The following GCN1 variants were observed in gnomAD, a reference collection of about 807,000 sequenced individuals.
The protein encoded by GCN1 is GCN1 activator of EIF2AK4.
GCN1 carries 90 observed loss-of-function variants against 288.4 expected under a neutral mutation model. The ratio of observed to expected loss-of-function variants is 0.31; its 90% CI spans 0.26 to 0.37. The LOEUF is 0.37. GCN1 is among the 10% of genes least tolerant of loss of function. The pLI, the probability that GCN1 is intolerant of heterozygous loss-of-function variation, is 1.00. For missense variants in GCN1, 2,586 were observed against 3,419.9 expected (o/e 0.76, Z 6.08); for synonymous variants, 1,386 against 1,420.2 (o/e 0.98, Z 0.54).
At position 120,179,072 on chromosome 12, in the gene GCN1, T is replaced by A. The variant is rs1404266838; in HGVS notation, c.427-122A>T. ...ATCCTGGCTTCATCTCCACTCAGCC[T>A]CTCCCACTCAACTCCAGCCAGCTCC... On this transcript the variant is annotated intron_variant, in intron 5 of 57. Transcript: ENST00000300648. 4.0e-6 allele frequency: 3 copies of A among 743,636 alleles called. No homozygotes were observed. In the East Asian group the frequency reaches 8.1e-5, roughly 20 times the overall value. The allele number at this position is 743,636 out of a possible 1,614,324, so 46.1% of individuals were successfully genotyped here.
Position 120,168,192 on chromosome 12 carries a change from G to A in GCN1, c.1612+16C>T. ...TTGCCTCAATCCCGAGTTCAACTAA[G>A]CATGGAGTAACTTACCATCCTCTGA... On this transcript the variant is annotated intron_variant, in intron 16 of 57. Transcript: ENST00000300648. 7.1e-7 allele frequency: 1 copy of A among 1,400,880 alleles called. No individual in the cohort carries two copies. Among genetic ancestry groups the A allele is most frequent in the Non-Finnish European group, 1.0e-6 (1 of 985,018 alleles). The allele number at this position is 1,400,880 out of a possible 1,614,324, so 86.8% of individuals were successfully genotyped here. A position where few individuals can be genotyped will look rare whatever the true frequency, so the allele number is the denominator to read the frequency against.
At chr12:120,149,101 G>GC (rs960833176) in intron 36 of GCN1, among the ~76,000 whole-genome samples, 1 of 151,866 alleles carries the variant, frequency 6.6e-6, no homozygotes, top group African/African-American at 2.4e-5. Flanking sequence ...CTTTCCTGGG[G>GC]GGGGAAAACT....
chr12:120,181,795 C>T (rs1258861679), intron 5 of GCN1, among the ~76,000 whole-genome samples: 9 of 142,368 alleles, frequency 6.3e-5, no homozygotes, highest in Non-Finnish European at 9.0e-5. Context: ...GCCGAGATCG[C>T]GCCATTGCAC....
intron 56 of GCN1, 25 bp downstream of exon 56, chr12:120,130,621 A>AAAC (rs1876784538): frequency 6.7e-7 from 1 of 1,502,244 alleles, no homozygotes; most frequent in Non-Finnish European, 9.3e-7. Flanking sequence ...GTTAGGGCTT[A>AAAC]AACACATGCT....
chr12:120,166,447 G>A (rs1358782593), intron 16 of GCN1, among the ~76,000 whole-genome samples: 1 of 147,442 alleles, frequency 6.8e-6, no homozygotes, highest in African/African-American at 2.5e-5. Context: ...GCTCACGCAT[G>A]TAATCCCAGC....
At chr12:120,143,208 G>A (rs1358705425) in intron 42 of GCN1, among the ~76,000 whole-genome samples, 1 of 152,148 alleles carries the variant, frequency 6.6e-6, no homozygotes, top group Admixed American at 6.5e-5. Flanking sequence ...AAAATAAAGT[G>A]AGTACAAAAG....
chr12:120,140,792 C>T (rs1303880616), intron 45 of GCN1, 67 bp downstream of exon 45: 33 of 1,472,928 alleles, frequency 2.2e-5, no homozygotes, highest in African/African-American at 2.8e-5. Flanking sequence ...CTTCAGTAGC[C>T]CTCCCCCGCC....
intron 56 of GCN1, among the ~76,000 whole-genome samples, chr12:120,130,147 T>A (rs1876768101): frequency 6.6e-6 from 1 of 152,142 alleles, no homozygotes; most frequent in South Asian, 2.1e-4. Context: ...CTCACTAAAA[T>A]ACACCCTGGC....
chr12:120,151,433 G>A (rs755377772), intron 33 of GCN1, 42 bp from the exon 34 acceptor site: 12 of 1,605,406 alleles, frequency 7.5e-6, no homozygotes, highest in African/African-American at 6.7e-5. Context: ...CTCCGCTGCA[G>A]CCGTTTCATG....
Position 120,173,803 on chromosome 12 carries a change from C to T in GCN1, c.1216G>A (p.Ala406Thr), listed in dbSNP as rs1038851311. ...CACCAGAGAGCCAGGACTGAGACAG[C>T]GTGTACCAAGGTCCCTTCATGAACT... is the stretch of plus-strand genomic sequence containing the variant. ...QEVHEGTLVH[A>T]VSVLALWCNR... The change falls in exon 14 of 58, where the codon GCT becomes ACT. Residue 406 changes from alanine (A) to threonine (T), a missense_variant. Physicochemically the swap from Ala to Thr is moderately conservative, Grantham distance 58. Around this residue, in one of 8 missense-constraint regions of GCN1, gnomAD observed 913 missense variants for 1,107.0 expected, o/e 0.82. Coordinates refer to ENST00000300648, the MANE Select transcript of GCN1 (RefSeq NM_006836.2). 21 of 1,613,662 alleles carry T rather than the reference C, an allele frequency of 1.3e-5. No individual in the cohort carries two copies. The Admixed American group carries it at 1.7e-4, about 13-fold the overall frequency.
intron 51 of GCN1, among the ~76,000 whole-genome samples, chr12:120,136,105 G>A (rs867662007): frequency 2.0e-5 from 3 of 152,142 alleles, no homozygotes; most frequent in South Asian, 4.1e-4. Flanking sequence ...ACGTGGTCCT[G>A]AATTTTTTCC....
At chr12:120,182,517 C>T (rs534581770) in intron 5 of GCN1, among the ~76,000 whole-genome samples, 2 of 152,300 alleles carry the variant, frequency 1.3e-5, no homozygotes, top group African/African-American at 4.8e-5. Flanking sequence ...TCATCTCAAC[C>T]CTCAACGAAA....
In GCN1 at chr12:120,155,026, C is replaced by G; in HGVS notation, c.3645G>C (p.Val1215=). The change falls in exon 31 of 58, where the codon GTG becomes GTC. Residue 1215 remains valine (V), a synonymous_variant. Coordinates refer to ENST00000300648, the MANE Select transcript of GCN1 (RefSeq NM_006836.2). The surrounding 1 kb of genome is among the most constrained non-coding windows in gnomAD (Gnocchi z 4.9). Reference sequence around the variant, plus strand: ...AAATAACTCGTCCCAAAGCATCCAGCACTGGGGGCGGCCGCTGCAACAGAC... The same window carrying G: ...AAATAACTCGTCCCAAAGCATCCAGGACTGGGGGCGGCCGCTGCAACAGAC... ...YQEKLYRPPP[V]LDALGRVISE... 1 of 1,613,898 alleles carries G rather than the reference C, an allele frequency of 6.2e-7. No homozygotes were observed. The highest frequency in any genetic ancestry group is 8.5e-7 in the Non-Finnish European group (1 of 1,179,740).
At position 120,175,873 on chromosome 12, in the gene GCN1, A is replaced by C; in HGVS notation, c.915T>G (p.Gly305=). Residue 305 remains glycine (G), a splice_region_variant and synonymous_variant, in exon 11 of 58, where the codon GGT becomes GGG. Transcript: ENST00000300648. ...GGCGGGGACTGTTGGATTTCAGGTG[A>C]CCTGCACACACAAAGCCACTGCTCA... is the stretch of plus-strand genomic sequence containing the variant. The part of the protein sequence containing the change: ...YAMDIVKGLA[G]HLKSNSPRLM... 6.2e-7 allele frequency: 1 copy of C among 1,603,740 alleles called. No homozygotes were observed. Among genetic ancestry groups the C allele is most frequent in the Non-Finnish European group, 8.5e-7 (1 of 1,176,940 alleles).
intron 4 of GCN1, 130 bp downstream of exon 4, chr12:120,183,982 C>G: frequency 1.1e-6 from 1 of 870,582 alleles, no homozygotes; most frequent in South Asian, 1.7e-5. Flanking sequence ...CAACCCTGCT[C>G]CTCGGGAAAG....
chr12:120,174,988 G>A (rs192942009), intron 12 of GCN1, among the ~76,000 whole-genome samples, 174 bp downstream of exon 12: 61 of 151,376 alleles, frequency 4.0e-4, no homozygotes, highest in Admixed American at 3.8e-3. Context: ...ATTAGCAGGC[G>A]TGGTGGTGTG....
chr12:120,178,664 G>A lies in GCN1; in HGVS notation c.621C>T (p.Cys207=), dbSNP rs1292252235. Residue 207 remains cysteine, a synonymous_variant, in exon 7 of 58, where the codon TGC becomes TGT. Transcript: ENST00000300648. ...CCACGTCCATCTCCTTGTGACTCGT[G>A]CAGAACTGCACCAGCAGCCCCAGCA... ...AGMLGLLVQF[C]TSHKEMDVVS... 1.2e-6 allele frequency: 2 copies of A among 1,614,078 alleles called. No individual in the cohort carries two copies. The highest frequency in any genetic ancestry group is 1.3e-5 in the African/African-American group (1 of 74,942).
chr12:120,131,476 T>G, intron 54 of GCN1, 143 bp from the exon 55 acceptor site: 1 of 735,732 alleles, frequency 1.4e-6, no homozygotes, highest in Non-Finnish European at 2.2e-6. Context: ...CACATGGACC[T>G]CCCTGCTATC....
intron 15 of GCN1, 66 bp downstream of exon 15, chr12:120,170,103 A>G (rs980126374): frequency 6.4e-5 from 91 of 1,416,606 alleles, no homozygotes; most frequent in South Asian, 1.3e-4. Flanking sequence ...ACATCAAGAC[A>G]CACCTCCCAA....
Sources: allele counts gnomAD v4.1 joint callset (sites outside exome capture counted in the v4.1 genomes callset), GRCh38; gene constraint gnomAD v4.1.1; regional missense constraint gnomAD v4.1.1; non-coding constraint Gnocchi (gnomAD v3.1); transcripts MANE v1.5; gene names NCBI Gene and HGNC (gene_info 2026-07-23, HGNC 2026-07-21).